Variants in C2CD3 observed in about 807,000 individuals in gnomAD.
C2CD3 encodes C2 domain-containing protein 3.
A neutral mutation model predicts 234.0 loss-of-function variants in C2CD3; 148 were observed. That is an observed-to-expected ratio of 0.63 (90% CI 0.55 to 0.72). The LOEUF is 0.72. C2CD3 is among the 30% of genes least tolerant of loss of function. The probability of loss-of-function intolerance (pLI) is 0.00; values close to 1 mark genes in which losing one functional copy is unlikely to be tolerated. For synonymous variants in C2CD3, 1,000 were observed against 1,035.4 expected (o/e 0.97, Z 0.66); for missense variants, 2,577 against 2,811.5 (o/e 0.92, Z 1.89).
intron 5 of C2CD3, among the ~76,000 whole-genome samples, chr11:74,137,951 G>A (rs755347747): frequency 7.2e-5 from 11 of 152,076 alleles, no homozygotes; most frequent in Non-Finnish European, 1.3e-4. Context: ...AAATGTTTTT[G>A]TTCTTTTACA....
At chr11:74,114,312 A>G in intron 10 of C2CD3, 72 bp downstream of exon 10, 1 of 982,114 alleles carries the variant, frequency 1.0e-6, no homozygotes, top group East Asian at 2.6e-5. Context: ...AGTATTATGC[A>G]ATTGTTGATT....
chr11:74,139,073 G>T, intron 4 of C2CD3, 106 bp from the exon 5 acceptor site: 1 of 910,896 alleles, frequency 1.1e-6, no homozygotes, highest in Non-Finnish European at 1.7e-6. Flanking sequence ...AAGGTAGTTT[G>T]GACCTCAAAA....
chr11:74,118,163 G>C, intron 9 of C2CD3, 65 bp downstream of exon 9: 1 of 1,327,552 alleles, frequency 7.5e-7, no homozygotes, highest in Non-Finnish European at 1.1e-6. Flanking sequence ...ATTTCACCTT[G>C]GGAGATCTTG....
At chr11:74,061,197 ACTCTTCAGAATATTATC>A (rs1408453020) in intron 24 of C2CD3, among the ~76,000 whole-genome samples, 1 of 152,216 alleles carries the variant, frequency 6.6e-6, no homozygotes, top group Admixed American at 6.5e-5. Flanking sequence ...GTTGGAAAAC[ACTCTTCAGAATATTATC>A]CAGGAGAACT....
intron 32 of C2CD3, among the ~76,000 whole-genome samples, chr11:74,017,716 T>G (rs939402307): frequency 6.6e-6 from 1 of 152,230 alleles, no homozygotes; most frequent in Non-Finnish European, 1.5e-5. Context: ...GGAGGCACTC[T>G]ATAAACCACG....
chr11:74,114,335 C>A, intron 10 of C2CD3, 49 bp downstream of exon 10: 2 of 1,270,326 alleles, frequency 1.6e-6, no homozygotes, highest in Non-Finnish European at 2.3e-6. Flanking sequence ...TACCATCAGA[C>A]ACACTTTCCA....
intron 26 of C2CD3, 123 bp downstream of exon 26, chr11:74,054,484 T>C: frequency 3.4e-6 from 2 of 593,998 alleles, no homozygotes; most frequent in Non-Finnish European, 5.7e-6. Context: ...CCCAGCACTG[T>C]CGGGAATGCT....
At chr11:74,145,888 T>C (rs1855151190) in intron 3 of C2CD3, among the ~76,000 whole-genome samples, 1 of 152,242 alleles carries the variant, frequency 6.6e-6, no homozygotes, top group South Asian at 2.1e-4. Context: ...CACCTACCTA[T>C]ATGTCCTGAA....
chr11:74,019,240 T>C (rs1415253934), intron 32 of C2CD3, among the ~76,000 whole-genome samples: 4 of 152,150 alleles, frequency 2.6e-5, no homozygotes, highest in African/African-American at 4.8e-5. Context: ...TCAGGCAACC[T>C]GAGACTAGCA....
chr11:74,096,236 A>G (rs985186690), intron 16 of C2CD3, among the ~76,000 whole-genome samples: 1 of 152,202 alleles, frequency 6.6e-6, no homozygotes, highest in Non-Finnish European at 1.5e-5. Context: ...TCCCTATTCT[A>G]TACAGCAGAT....
chr11:74,118,369 C>T lies in C2CD3; in HGVS notation c.1379G>A (p.Ser460Asn). 2 of 1,612,772 alleles carry T rather than the reference C, an allele frequency of 1.2e-6. No homozygotes were observed. Among genetic ancestry groups the T allele is most frequent in the South Asian group, 1.1e-5 (1 of 90,968 alleles). Reference sequence around the variant, plus strand: ...CTCTTCACTGAGGAAATCACTGATGCTGGTATCAGATTTCTATGGAGAGGA... The same window carrying T: ...CTCTTCACTGAGGAAATCACTGATGTTGGTATCAGATTTCTATGGAGAGGA... ...LFYTAPKSDT[S>N]ISDFLSEEDD... is the part of the protein sequence containing the mutation. The change falls in exon 9 of 33, where the codon AGC (serine) becomes AAC (asparagine). Residue 460 changes from serine to asparagine, a missense_variant. Physicochemically the swap from Ser to Asn is conservative, Grantham distance 46 (BLOSUM62 1). Transcript: ENST00000334126.
At chr11:74,034,927 C>T (rs753730960) in intron 30 of C2CD3, among the ~76,000 whole-genome samples, 7 of 152,164 alleles carry the variant, frequency 4.6e-5, no homozygotes, top group Non-Finnish European at 7.3e-5. Flanking sequence ...AGAGAATACA[C>T]GAAAGAAATG....
chr11:74,020,553 C>A (rs546896101), intron 32 of C2CD3, among the ~76,000 whole-genome samples: 14 of 152,284 alleles, frequency 9.2e-5, no homozygotes, highest in African/African-American at 3.4e-4. Context: ...CCAAGAACTG[C>A]GAGCTCCCTA....
intron 28 of C2CD3, among the ~76,000 whole-genome samples, chr11:74,047,879 A>T (rs1365715719): frequency 6.6e-6 from 1 of 152,246 alleles, no homozygotes; most frequent in Non-Finnish European, 1.5e-5. Flanking sequence ...AAACTGGCAC[A>T]TAGTTTTAGC....
intron 16 of C2CD3, among the ~76,000 whole-genome samples, chr11:74,097,383 G>A (rs1337558412): frequency 6.6e-6 from 1 of 152,166 alleles, no homozygotes; most frequent in African/African-American, 2.4e-5. Context: ...ACATGATACA[G>A]TGGAATAAAG....
chr11:74,163,415 C>G (rs1358613676), intron 2 of C2CD3, among the ~76,000 whole-genome samples: 1 of 152,190 alleles, frequency 6.6e-6, no homozygotes, highest in Non-Finnish European at 1.5e-5. Context: ...TATGGTTTGG[C>G]TGTGTCCCCA....
intron 31 of C2CD3, among the ~76,000 whole-genome samples, chr11:74,032,138 G>A (rs1435844047): frequency 6.6e-6 from 1 of 152,180 alleles, no homozygotes; most frequent in South Asian, 2.1e-4. Flanking sequence ...CCTGACCTGG[G>A]GAGCTTATAA....
intron 7 of C2CD3, among the ~76,000 whole-genome samples, chr11:74,125,539 T>C (rs1043234319): frequency 1.3e-5 from 2 of 152,078 alleles, no homozygotes; most frequent in Admixed American, 6.6e-5. Context: ...CTTCCTATTA[T>C]GAAAAATGAA....
chr11:74,049,639 G>T, intron 26 of C2CD3, 97 bp from the exon 27 acceptor site: 1 of 898,952 alleles, frequency 1.1e-6, no homozygotes, highest in Non-Finnish European at 1.7e-6. Context: ...GGGGATGGAG[G>T]AATTTAGTGA....
Sources: allele counts gnomAD v4.1 joint callset (sites outside exome capture counted in the v4.1 genomes callset), GRCh38; gene constraint gnomAD v4.1.1; transcripts MANE v1.5; gene names NCBI Gene and HGNC (gene_info 2026-07-23, HGNC 2026-07-21).